Variants in NAP1L4 observed in about 807,000 individuals in gnomAD.
NAP1L4 encodes nucleosome assembly protein 1 like 4.
Under a neutral mutation model 58.2 loss-of-function variants are expected in NAP1L4, and 15 were observed. That is an observed-to-expected ratio of 0.26 (90% CI 0.17 to 0.40). The LOEUF is 0.40. Ranked by LOEUF, NAP1L4 falls within the 10% of genes least tolerant of loss-of-function variation. NAP1L4 has a pLI of 1.00. For missense variants in NAP1L4, 384 were observed against 451.1 expected (o/e 0.85, Z 1.35); for synonymous variants, 171 against 155.6 (o/e 1.10, Z -0.74).
At chr11:2,985,204 T>C (rs2093578301) in intron 1 of NAP1L4, among the ~76,000 whole-genome samples, 1 of 152,240 alleles carries the variant, frequency 6.6e-6, no homozygotes, top group Non-Finnish European at 1.5e-5. Context: ...TTGGAGCATT[T>C]GGATTTTTGA....
rs1243536366 is a variant in NAP1L4, at chr11:2,946,214, A to AAT, written c.*33-570_*33-569dup. Among the ~76,000 whole-genome samples, 2 of 152,030 alleles carry AAT rather than the reference A, an allele frequency of 1.3e-5. No homozygotes were observed. Among genetic ancestry groups the AAT allele is most frequent in the Non-Finnish European group, 2.9e-5 (2 of 67,994 alleles). On this transcript the variant is annotated intron_variant, in intron 15 of 15. Transcript: ENST00000380542. The surrounding 1 kb of genome is among the most constrained non-coding windows in gnomAD (Gnocchi z 4.8). ...TCTGGTGGCCTGTACTGCACCAACAAATGATGAGCTGCCACTCCCAAGAGC... is the reference window on the plus strand; with the variant it reads ...TCTGGTGGCCTGTACTGCACCAACAAATATGATGAGCTGCCACTCCCAAGAGC...
At chr11:2,987,118 C>A (rs1432736816) in intron 1 of NAP1L4, among the ~76,000 whole-genome samples, 1 of 151,968 alleles carries the variant, frequency 6.6e-6, no homozygotes, top group Non-Finnish European at 1.5e-5. Context: ...TCAAGATACC[C>A]CTGTAGGACA....
At chr11:2,973,173 C>A (rs1847751810) in intron 4 of NAP1L4, among the ~76,000 whole-genome samples, 1 of 152,210 alleles carries the variant, frequency 6.6e-6, no homozygotes, top group Non-Finnish European at 1.5e-5. Context: ...ATCTGAGAAA[C>A]ACAGACCACA....
At chr11:2,945,734 ATGAGTTCATT>A in intron 15 of NAP1L4, 88 bp from the exon 16 acceptor site, 2 of 1,115,276 alleles carry the variant, frequency 1.8e-6, no homozygotes, top group Non-Finnish European at 2.5e-6. Flanking sequence ...CCAAGACTGA[ATGAGTTCATT>A]CTCATTGAAA....
At chr11:2,956,522 C>T (rs980890834) in intron 10 of NAP1L4, among the ~76,000 whole-genome samples, 1 of 152,226 alleles carries the variant, frequency 6.6e-6, no homozygotes, top group African/African-American at 2.4e-5. Flanking sequence ...CTCTCTGAGT[C>T]TCCCTTCCCA....
At chr11:2,973,291 G>A (rs1847759414) in intron 4 of NAP1L4, among the ~76,000 whole-genome samples, 1 of 152,160 alleles carries the variant, frequency 6.6e-6, no homozygotes, top group African/African-American at 2.4e-5. Context: ...TAAATCAGAA[G>A]AAAAATCCTT....
chr11:2,976,949 ACCCGAGTATTCTCCCAT>A lies in NAP1L4; in HGVS notation c.74-843_74-827del, dbSNP rs367979940. On this transcript the variant is annotated intron_variant, in intron 3 of 15. Transcript: ENST00000380542. ...CTTCCCTTGCTTAGAGCCAGTACAT[ACCCGAGTATTCTCCCAT>A]CCCGAGTATTCTCCCATCCCGAGTA... Among the ~76,000 whole-genome samples, 1,315 of 152,238 alleles carry A rather than the reference ACCCGAGTATTCTCCCAT, an allele frequency of 8.6e-3. 10 individuals are homozygous for A. The highest frequency in any genetic ancestry group is 0.024 in the African/African-American group (1,012 of 41,528).
chr11:2,968,585 G>T (rs1847430734), intron 7 of NAP1L4, among the ~76,000 whole-genome samples: 1 of 152,194 alleles, frequency 6.6e-6, no homozygotes, highest in African/African-American at 2.4e-5. Context: ...ATTAAACAAG[G>T]GAGGTAGCAG....
Position 2,958,540 on chromosome 11 carries a change from T to C in NAP1L4, c.751A>G (p.Thr251Ala). Reference sequence around the variant, plus strand: ...TTCTTTCCTTTCTTCCAGTCAATAGTACACCTACCAGGACAAGACAGCTGT... The same window carrying C: ...TTCTTTCCTTTCTTCCAGTCAATAGCACACCTACCAGGACAAGACAGCTGT... ...GPEIVDCDGC[T>A]IDWKKGKNVT... The change falls in exon 10 of 16, where the codon ACT (threonine) becomes GCT (alanine). Residue 251 changes from threonine (T) to alanine (A), a missense_variant. Around this residue, in one of 3 missense-constraint regions of NAP1L4, gnomAD observed 296 missense variants for 360.8 expected, o/e 0.82. Coordinates refer to ENST00000380542, the MANE Select transcript of NAP1L4 (RefSeq NM_005969.4). 6 of 1,613,444 alleles carry C rather than the reference T, an allele frequency of 3.7e-6. No individual in the cohort carries two copies. The highest frequency in any genetic ancestry group is 1.1e-5 in the South Asian group (1 of 90,892).
intron 7 of NAP1L4, among the ~76,000 whole-genome samples, chr11:2,968,925 C>A (rs1174639923): frequency 6.6e-6 from 1 of 151,604 alleles, no homozygotes; most frequent in Admixed American, 6.6e-5. Flanking sequence ...CATTTCACTA[C>A]AGAAAGTGAA....
At chr11:2,964,564 AGCAGAT>A in intron 8 of NAP1L4, 110 bp downstream of exon 8, 2 of 784,118 alleles carry the variant, frequency 2.6e-6, no homozygotes, top group Non-Finnish European at 4.2e-6. Flanking sequence ...AGGGCTGCCC[AGCAGAT>A]GAGTGGCTGG....
At chr11:2,991,986 C>G (rs1194887095) in intron 1 of NAP1L4, 1 of 152,000 alleles carries the variant, frequency 6.6e-6, no homozygotes, top group African/African-American at 2.4e-5. Flanking sequence ...TTCAGTGAGG[C>G]GGGCAGCCGG....
rs528330490 is a variant in NAP1L4, at chr11:2,971,794, G to A, written c.316-260C>T. Among the ~76,000 whole-genome samples, 38 of 152,234 alleles carry A rather than the reference G, an allele frequency of 2.5e-4. No homozygotes were observed. In the South Asian group the frequency reaches 4.4e-3, roughly 17 times the overall value. ...GCTAAAGATTTTCAACTTCCTGATG[G>A]TGCAGAAGCCATCACACTTTGGGCA... On this transcript the variant is annotated intron_variant, in intron 5 of 15. Coordinates refer to ENST00000380542, the MANE Select transcript of NAP1L4 (RefSeq NM_005969.4). The surrounding 1 kb of genome is among the most constrained non-coding windows in gnomAD (Gnocchi z 4.2).
intron 10 of NAP1L4, among the ~76,000 whole-genome samples, chr11:2,957,129 A>C (rs1293188882): frequency 6.6e-6 from 1 of 152,110 alleles, no homozygotes; most frequent in East Asian, 1.9e-4. Flanking sequence ...CTCCATTTTT[A>C]TCCTAAAAAT....
intron 1 of NAP1L4, among the ~76,000 whole-genome samples, chr11:2,988,334 C>G (rs934894733): frequency 3.9e-5 from 6 of 152,318 alleles, no homozygotes; most frequent in East Asian, 1.9e-4. Context: ...TAAGGCACTT[C>G]CCTCTCTACC....
At chr11:2,956,195 G>A (rs1846531164) in intron 10 of NAP1L4, among the ~76,000 whole-genome samples, 1 of 152,230 alleles carries the variant, frequency 6.6e-6, no homozygotes, top group African/African-American at 2.4e-5. Context: ...TATAAGCTGT[G>A]AGTGTTACTA....
At chr11:2,961,850 T>C (rs1300698096) in intron 8 of NAP1L4, among the ~76,000 whole-genome samples, 1 of 152,204 alleles carries the variant, frequency 6.6e-6, no homozygotes, top group Non-Finnish European at 1.5e-5. Flanking sequence ...TATAGATAGA[T>C]TCATGTTTCT....
intron 1 of NAP1L4, among the ~76,000 whole-genome samples, chr11:2,982,240 A>T (rs1031458697): frequency 6.6e-6 from 1 of 152,160 alleles, no homozygotes; most frequent in Non-Finnish European, 1.5e-5. Flanking sequence ...ATGGATTCTG[A>T]TACATACTGC....
At chr11:2,973,030 T>C (rs534070964) in intron 4 of NAP1L4, among the ~76,000 whole-genome samples, 21 of 152,304 alleles carry the variant, frequency 1.4e-4, no homozygotes, top group African/African-American at 4.3e-4. Flanking sequence ...TGTCCGTCGA[T>C]AGATCTGTAC....
Sources: allele counts gnomAD v4.1 joint callset (sites outside exome capture counted in the v4.1 genomes callset), GRCh38; gene constraint gnomAD v4.1.1; regional missense constraint gnomAD v4.1.1; non-coding constraint Gnocchi (gnomAD v3.1); transcripts MANE v1.5; gene names NCBI Gene and HGNC (gene_info 2026-07-23, HGNC 2026-07-21).